Variants in TRPC7 observed in about 807,000 individuals in gnomAD.
TRPC7 encodes transient receptor potential cation channel subfamily C member 7.
Under a neutral mutation model 90.1 loss-of-function variants are expected in TRPC7, and 42 were observed. The observed-to-expected ratio is 0.47, with a 90% CI of 0.36 to 0.60. The LOEUF is 0.60. Among genes scored for constraint, TRPC7 ranks in the 20% least tolerant of loss-of-function variants. The probability of loss-of-function intolerance (pLI) is 0.00; values close to 1 mark genes in which losing one functional copy is unlikely to be tolerated. For missense variants in TRPC7, 955 were observed against 1,112.3 expected, an observed-to-expected ratio of 0.86 and a Z score of 2.01; for synonymous variants, 451 against 436.3, an observed-to-expected ratio of 1.03 and a Z score of -0.42.
intron 2 of TRPC7, among the ~76,000 whole-genome samples, chr5:136,338,270 T>C (rs545829930): frequency 3.4e-4 from 52 of 152,284 alleles, no homozygotes; most frequent in African/African-American, 1.2e-3. Context: ...TGTTTGAGAA[T>C]TGACAGTACT....
Position 136,356,926 on chromosome 5 carries a change from G to A in TRPC7, c.462C>T (p.Tyr154=), listed in dbSNP as rs1233289175. The A allele has an allele frequency of 1.2e-6, 2 of 1,613,636 alleles. No homozygotes were observed. Among genetic ancestry groups the A allele is most frequent in the South Asian group, 2.2e-5 (2 of 91,070 alleles). ...GGGAGAAGCGCGTGCCGTCCTCGTCGTAGGCATAGAAGTCGTCGTCGCGCA... is the reference window on the plus strand; with the variant it reads ...GGGAGAAGCGCGTGCCGTCCTCGTCATAGGCATAGAAGTCGTCGTCGCGCA... The part of the protein sequence containing the change: ...QELRDDDFYA[Y]DEDGTRFSHD... Residue 154 remains tyrosine (Y), a synonymous_variant, in exon 2 of 12, where the codon TAC becomes TAT. Transcript: ENST00000513104.
chr5:136,290,617 G>A (rs1757908821), intron 3 of TRPC7, among the ~76,000 whole-genome samples: 2 of 152,186 alleles, frequency 1.3e-5, no homozygotes, highest in Admixed American at 6.5e-5. Flanking sequence ...AATGAACAAA[G>A]CCTCCAAGAA....
intron 2 of TRPC7, among the ~76,000 whole-genome samples, chr5:136,355,696 G>A (rs775184901): frequency 6.6e-6 from 1 of 152,206 alleles, no homozygotes; most frequent in African/African-American, 2.4e-5. Context: ...TACTTGGGAG[G>A]CTGAGGCAGG....
intron 2 of TRPC7, among the ~76,000 whole-genome samples, chr5:136,326,673 T>A (rs1759357185): frequency 6.6e-6 from 1 of 152,140 alleles, no homozygotes; most frequent in South Asian, 2.1e-4. Context: ...TCAGTTAATG[T>A]GGTTGTTTTT....
At chr5:136,284,404 C>A (rs1049026919) in intron 3 of TRPC7, among the ~76,000 whole-genome samples, 2 of 152,134 alleles carry the variant, frequency 1.3e-5, no homozygotes, top group African/African-American at 2.4e-5. Context: ...CAACTTATGG[C>A]AAATAAAATC....
At chr5:136,258,952 T>C (rs1756770245) in intron 5 of TRPC7, among the ~76,000 whole-genome samples, 1 of 152,130 alleles carries the variant, frequency 6.6e-6, no homozygotes, top group Non-Finnish European at 1.5e-5. Flanking sequence ...AAACACTATC[T>C]CAACAGGCAG....
At chr5:136,262,133 G>T (rs190265423) in intron 5 of TRPC7, among the ~76,000 whole-genome samples, 1 of 152,202 alleles carries the variant, frequency 6.6e-6, no homozygotes, top group African/African-American at 2.4e-5. Context: ...CTAAATTACT[G>T]CAGTGGCCTC....
At chr5:136,308,845 C>T (rs1402454216) in intron 3 of TRPC7, among the ~76,000 whole-genome samples, 8 of 152,144 alleles carry the variant, frequency 5.3e-5, no homozygotes, top group African/African-American at 7.2e-5. Flanking sequence ...TATCAGCAGG[C>T]GGAGGACTTG....
chr5:136,315,753 T>C lies in TRPC7; in HGVS notation c.807A>G (p.Gln269=), dbSNP rs372996997. ...FKNDYRKLSM[Q]CKDFVVGVLD... ...GCACGCCCACTACAAAATCCTTGCA[T>C]TGCATAGATAACTTCCTGTAATCGT... Residue 269 remains glutamine, a synonymous_variant, in exon 3 of 12, where the codon CAA becomes CAG. Coordinates refer to ENST00000513104, the MANE Select transcript of TRPC7 (RefSeq NM_020389.3). 1 of 1,613,972 alleles carries C rather than the reference T, an allele frequency of 6.2e-7. No individual in the cohort carries two copies. Among genetic ancestry groups the C allele is most frequent in the Non-Finnish European group, 8.5e-7 (1 of 1,179,896 alleles).
chr5:136,271,340 T>A lies in TRPC7; in HGVS notation c.1128+3333A>T, dbSNP rs142910940. On this transcript the variant is annotated intron_variant, in intron 4 of 11. Transcript: ENST00000513104. Reference sequence around the variant, plus strand: ...TAGACAAGGTCAGCTTCTCCTTCCCTGTTATAATTAAAACTGGTGCAGTTC... The same window carrying A: ...TAGACAAGGTCAGCTTCTCCTTCCCAGTTATAATTAAAACTGGTGCAGTTC... Among the ~76,000 whole-genome samples the A allele has an allele frequency of 5.5e-3, 833 of 152,384 alleles. 8 individuals are homozygous for A. Among genetic ancestry groups the A allele is most frequent in the African/African-American group, 0.019 (785 of 41,604 alleles).
chr5:136,348,748 C>T (rs1000060337), intron 2 of TRPC7, among the ~76,000 whole-genome samples: 9 of 152,056 alleles, frequency 5.9e-5, no homozygotes. Flanking sequence ...AGATCTTGTC[C>T]CCATCCTGAT....
At chr5:136,293,584 G>C (rs1227668458) in intron 3 of TRPC7, among the ~76,000 whole-genome samples, 1 of 152,108 alleles carries the variant, frequency 6.6e-6, no homozygotes, top group Non-Finnish European at 1.5e-5. Context: ...AACTTACAAG[G>C]GATGTGAAGG....
intron 10 of TRPC7, chr5:136,222,284 G>T (rs371774089): frequency 2.0e-5 from 3 of 152,108 alleles, no homozygotes; most frequent in Non-Finnish European, 4.4e-5. Flanking sequence ...TCGAGAAATC[G>T]AATGAAGAGA....
At chr5:136,256,655 A>G (rs1756695647) in intron 5 of TRPC7, among the ~76,000 whole-genome samples, 1 of 151,922 alleles carries the variant, frequency 6.6e-6, no homozygotes, top group South Asian at 2.1e-4. Context: ...TTAGTCTTCA[A>G]CTCTATTCTC....
intron 10 of TRPC7, 93 bp downstream of exon 10, chr5:136,225,181 T>C: frequency 9.0e-7 from 1 of 1,114,732 alleles, no homozygotes; most frequent in Non-Finnish European, 1.3e-6. Flanking sequence ...TGAAGCTGTG[T>C]TCTCGGGGGA....
chr5:136,322,204 A>G (rs537671699), intron 2 of TRPC7, among the ~76,000 whole-genome samples: 13 of 152,138 alleles, frequency 8.5e-5, no homozygotes, highest in Admixed American at 2.0e-4. Flanking sequence ...TAGTAGAGAC[A>G]GGGTTTCACC....
chr5:136,300,164 C>T (rs1190682808), intron 3 of TRPC7, among the ~76,000 whole-genome samples: 2 of 152,212 alleles, frequency 1.3e-5, no homozygotes, highest in South Asian at 2.1e-4. Context: ...ACAACTCTTA[C>T]TTTGAGGATC....
intron 2 of TRPC7, among the ~76,000 whole-genome samples, chr5:136,321,507 G>T (rs1759197326): frequency 6.6e-6 from 1 of 152,072 alleles, no homozygotes; most frequent in African/African-American, 2.4e-5. Flanking sequence ...CAATCATTCG[G>T]AGAATTCAAC....
At chr5:136,320,292 A>T (rs1759150182) in intron 2 of TRPC7, among the ~76,000 whole-genome samples, 1 of 152,092 alleles carries the variant, frequency 6.6e-6, no homozygotes, top group Non-Finnish European at 1.5e-5. Flanking sequence ...CAATTTTACT[A>T]TTTCTACCTT....
Sources: gnomAD v4.1 joint callset for allele counts (sites outside exome capture counted in the v4.1 genomes callset) on GRCh38, gnomAD v4.1.1 for gene constraint, MANE v1.5 for transcripts, NCBI Gene and HGNC (gene_info 2026-07-23, HGNC 2026-07-21) for gene names.